PDE1C: variants seen among roughly 807,000 people sequenced by gnomAD.
PDE1C encodes the protein dual specificity calcium/calmodulin-dependent 3',5'-cyclic nucleotide phosphodiesterase 1C.
PDE1C carries 62 observed loss-of-function variants against 93.1 expected under a neutral mutation model. The observed-to-expected ratio is 0.67, with a 90% CI of 0.54 to 0.82. PDE1C has a LOEUF of 0.82. Ranked by LOEUF, PDE1C falls within the 40% of genes least tolerant of loss-of-function variation. The probability of loss-of-function intolerance (pLI) is 0.00; values close to 1 mark genes in which losing one functional copy is unlikely to be tolerated. For synonymous variants in PDE1C, 325 were observed against 310.1 expected, an observed-to-expected ratio of 1.05 and a Z score of -0.50; for missense variants, 742 against 884.6, an observed-to-expected ratio of 0.84 and a Z score of 2.04.
At chr7:31,832,915 C>T (rs1254740858) in intron 11 of PDE1C, among the ~76,000 whole-genome samples, 1 of 152,150 alleles carries the variant, frequency 6.6e-6, no homozygotes, top group Non-Finnish European at 1.5e-5. Flanking sequence ...TATGAGTTAG[C>T]TATTATCTAT....
At chr7:32,205,742 T>C (rs1805410040) in intron 2 of PDE1C, among the ~76,000 whole-genome samples, 1 of 152,138 alleles carries the variant, frequency 6.6e-6, no homozygotes, top group African/African-American at 2.4e-5. Flanking sequence ...GCAGTTTCAC[T>C]CCTGAAGCCA....
chr7:31,664,474 C>T, the PDE1C span, among the ~76,000 whole-genome samples: 1 of 152,104 alleles, frequency 6.6e-6, no homozygotes, highest in East Asian at 1.9e-4. Flanking sequence ...TCTGTCAGAA[C>T]AAAATAGAAC....
intron 1 of PDE1C, among the ~76,000 whole-genome samples, chr7:32,279,271 T>C (rs1266000572): frequency 1.3e-5 from 2 of 152,090 alleles, no homozygotes. Context: ...CACTAGAATA[T>C]ATGTCTTCCA....
intron 1 of PDE1C, among the ~76,000 whole-genome samples, chr7:32,238,454 G>A (rs969743727): frequency 3.3e-5 from 5 of 152,228 alleles, no homozygotes; most frequent in Non-Finnish European, 7.3e-5. Context: ...AAAGCATTTA[G>A]AACAGTGCTT....
the PDE1C span, among the ~76,000 whole-genome samples, chr7:31,640,258 G>T: frequency 1.3e-5 from 2 of 152,164 alleles, no homozygotes; most frequent in Non-Finnish European, 2.9e-5. Context: ...CCCTATTCCA[G>T]GCTCTGGATG....
intron 1 of PDE1C, among the ~76,000 whole-genome samples, chr7:32,286,217 C>T (rs1477056524): frequency 6.6e-6 from 1 of 152,110 alleles, no homozygotes; most frequent in Non-Finnish European, 1.5e-5. Context: ...GATAGATGTC[C>T]CAAAAGTGCT....
chr7:31,750,919 A>G (rs1794112702), downstream of PDE1C, among the ~76,000 whole-genome samples: 1 of 152,198 alleles, frequency 6.6e-6, no homozygotes, highest in South Asian at 2.1e-4. Context: ...GGAATGATAT[A>G]AACTGAGTTG....
rs140378283 is a variant in PDE1C, at chr7:31,869,845, A to C, written c.609+3447T>G. On this transcript the variant is annotated intron_variant, in intron 6 of 17. Transcript: ENST00000396191. ...CTCACCAACACAAAGAACATTTTCC[A>C]GCCTAGACCATATGTTAGGACACAA... is the stretch of plus-strand genomic sequence containing the variant. Among the ~76,000 whole-genome samples, 28 of 152,234 alleles carry C rather than the reference A, an allele frequency of 1.8e-4. No homozygotes were observed. In the East Asian group the frequency reaches 3.1e-3, roughly 17 times the overall value.
At chr7:32,011,346 C>T (rs1026406274) in intron 2 of PDE1C, among the ~76,000 whole-genome samples, 6 of 152,068 alleles carry the variant, frequency 3.9e-5, no homozygotes, top group African/African-American at 1.4e-4. Context: ...GTGCCCACCA[C>T]TATGCCTGGC....
intron 1 of PDE1C, among the ~76,000 whole-genome samples, chr7:32,273,859 G>A (rs1183913155): frequency 6.6e-6 from 1 of 152,184 alleles, no homozygotes; most frequent in Admixed American, 6.5e-5. Context: ...TTTTTAAATT[G>A]TGCTTGAGGT....
intron 2 of PDE1C, among the ~76,000 whole-genome samples, chr7:32,189,649 G>A (rs1021160097): frequency 2.6e-5 from 4 of 152,184 alleles, no homozygotes; most frequent in African/African-American, 9.7e-5. Flanking sequence ...ACTTGGAAGA[G>A]TGTGCCACAT....
chr7:32,424,595 A>T (rs1785493253), intron 1 of PDE1C, among the ~76,000 whole-genome samples: 1 of 152,146 alleles, frequency 6.6e-6, no homozygotes, highest in Non-Finnish European at 1.5e-5. Flanking sequence ...TAAGGCAGAC[A>T]GATCACTTGA....
At chr7:32,061,953 T>C (rs893537400) in intron 1 of PDE1C, among the ~76,000 whole-genome samples, 1 of 152,192 alleles carries the variant, frequency 6.6e-6, no homozygotes, top group African/African-American at 2.4e-5. Context: ...CATTCAGATA[T>C]ACACAGAATT....
intron 1 of PDE1C, among the ~76,000 whole-genome samples, chr7:32,067,768 C>T (rs906279548): frequency 2.0e-5 from 3 of 152,108 alleles, no homozygotes; most frequent in African/African-American, 7.2e-5. Flanking sequence ...ATTGTGTTGA[C>T]AGGTCTCACG....
At chr7:31,743,730 TAAAG>T in the PDE1C span, among the ~76,000 whole-genome samples, 2 of 152,122 alleles carry the variant, frequency 1.3e-5, no homozygotes, top group African/African-American at 4.8e-5. Context: ...AACAGCAACT[TAAAG>T]AAATAATAGG....
intron 2 of PDE1C, among the ~76,000 whole-genome samples, chr7:32,005,712 C>T (rs1455867150): frequency 1.3e-5 from 2 of 151,942 alleles, no homozygotes; most frequent in African/African-American, 2.4e-5. Flanking sequence ...GAACCACACC[C>T]AAATGGCTGG....
chr7:31,888,249 C>CAAAA (rs34112969), intron 2 of PDE1C, among the ~76,000 whole-genome samples: 771 of 44,194 alleles, frequency 0.017, 30 homozygotes, highest in African/African-American at 0.048. Flanking sequence ...GACTCAGTCT[C>CAAAA]AAAAAAAAAA....
At chr7:32,267,590 T>A (rs1363675672) in intron 1 of PDE1C, among the ~76,000 whole-genome samples, 1 of 32,290 alleles carries the variant, frequency 3.1e-5, no homozygotes, top group African/African-American at 6.5e-5. Flanking sequence ...ACACACACTC[T>A]CTCTCTCTCT....
intron 3 of PDE1C, among the ~76,000 whole-genome samples, chr7:32,099,801 C>A (rs1301275452): frequency 6.6e-6 from 1 of 152,144 alleles, no homozygotes; most frequent in South Asian, 2.1e-4. Context: ...CCCTGCAATG[C>A]CTCCTCTCTC....
Sources: allele counts gnomAD v4.1 joint callset (sites outside exome capture counted in the v4.1 genomes callset), GRCh38; gene constraint gnomAD v4.1.1; transcripts MANE v1.5; gene names NCBI Gene and HGNC (gene_info 2026-07-23, HGNC 2026-07-21).